The following HIBADH variants were observed in gnomAD, a reference collection of about 807,000 sequenced individuals.
HIBADH encodes 3-hydroxyisobutyrate dehydrogenase.
A neutral mutation model predicts 36.1 loss-of-function variants in HIBADH; 25 were observed. That is an observed-to-expected ratio of 0.69 (90% CI 0.50 to 0.97). The LOEUF (loss-of-function observed/expected upper bound fraction) is 0.97, where lower values mean the gene tolerates loss of function less well. Ranked by LOEUF, HIBADH falls within the 50% of genes least tolerant of loss-of-function variation. HIBADH has a pLI of 0.00. For synonymous variants in HIBADH, 160 were observed against 149.5 expected (o/e 1.07, Z -0.51); for missense variants, 421 against 418.0 (o/e 1.01, Z -0.06).
chr7:27,608,750 T>A (rs1177134198), intron 4 of HIBADH, among the ~76,000 whole-genome samples: 6 of 152,238 alleles, frequency 3.9e-5, no homozygotes, highest in Non-Finnish European at 8.8e-5. Context: ...TTCAGATTTA[T>A]TTGCTAAATT....
intron 1 of HIBADH, among the ~76,000 whole-genome samples, chr7:27,657,335 T>A (rs1016267120): frequency 2.0e-5 from 3 of 151,862 alleles, no homozygotes; most frequent in African/African-American, 7.3e-5. Flanking sequence ...CCTTATGAAA[T>A]GAGGAAACAA....
chr7:27,552,528 A>G (rs918007635), intron 4 of HIBADH, among the ~76,000 whole-genome samples: 2 of 152,192 alleles, frequency 1.3e-5, no homozygotes, highest in Non-Finnish European at 2.9e-5. Context: ...TCCTCCCAGC[A>G]AGATCTCAAA....
At chr7:27,632,543 G>A (rs1329255366) in intron 2 of HIBADH, 98 bp from the exon 3 acceptor site, 8 of 531,864 alleles carry the variant, frequency 1.5e-5, no homozygotes, top group South Asian at 2.2e-5. Context: ...CTATAACAGT[G>A]ACAGTGCATA....
chr7:27,655,931 G>T (rs557567274), intron 1 of HIBADH, among the ~76,000 whole-genome samples: 1 of 152,102 alleles, frequency 6.6e-6, no homozygotes, highest in South Asian at 2.1e-4. Context: ...ATATTAGGTC[G>T]ACCTTTTGGA....
At chr7:27,572,765 C>T (rs1784647159) in intron 4 of HIBADH, among the ~76,000 whole-genome samples, 1 of 152,172 alleles carries the variant, frequency 6.6e-6, no homozygotes, top group South Asian at 2.1e-4. Context: ...GGAACCCACT[C>T]TCAGCTCTTC....
chr7:27,564,286 C>A (rs1168790075), intron 4 of HIBADH, among the ~76,000 whole-genome samples: 1 of 152,122 alleles, frequency 6.6e-6, no homozygotes, highest in Non-Finnish European at 1.5e-5. Context: ...AAACCCAAGG[C>A]CAGAAGGATT....
At chr7:27,599,755 T>C (rs1048612451) in intron 4 of HIBADH, among the ~76,000 whole-genome samples, 10 of 134,050 alleles carry the variant, frequency 7.5e-5, no homozygotes, top group Non-Finnish European at 1.1e-4. Context: ...TAAAACCAAA[T>C]ACCAATTGTT....
intron 4 of HIBADH, among the ~76,000 whole-genome samples, chr7:27,565,876 C>T (rs9639559): frequency 0.8 from 121,217 of 152,036 alleles, 48,744 homozygotes; most frequent in East Asian, 0.97. Context: ...TTCTGACATA[C>T]AGATATATGT....
intron 4 of HIBADH, among the ~76,000 whole-genome samples, chr7:27,600,689 C>T (rs1785115392): frequency 1.3e-5 from 2 of 152,006 alleles, no homozygotes; most frequent in South Asian, 4.1e-4. Context: ...AGAATAAGAA[C>T]AAGTTGAAAT....
chr7:27,643,708 C>G (rs978802317), intron 2 of HIBADH, among the ~76,000 whole-genome samples: 3 of 152,242 alleles, frequency 2.0e-5, no homozygotes, highest in South Asian at 2.1e-4. Context: ...TACTCTCTCA[C>G]AGCTCTGGAG....
intron 4 of HIBADH, among the ~76,000 whole-genome samples, chr7:27,571,465 T>C (rs1159592569): frequency 6.6e-6 from 1 of 152,216 alleles, no homozygotes; most frequent in Non-Finnish European, 1.5e-5. Flanking sequence ...CCTCAGGTGA[T>C]CCACTTGCCT....
intron 4 of HIBADH, among the ~76,000 whole-genome samples, chr7:27,622,706 C>T (rs953309825): frequency 3.3e-5 from 5 of 151,984 alleles, no homozygotes; most frequent in East Asian, 1.9e-4. Context: ...TAGAAACATA[C>T]GACCTACCAA....
intron 1 of HIBADH, among the ~76,000 whole-genome samples, chr7:27,658,464 T>C (rs909299230): frequency 6.6e-6 from 1 of 152,222 alleles, no homozygotes; most frequent in Non-Finnish European, 1.5e-5. Context: ...TATGACCTCT[T>C]TCTCCAATGT....
chr7:27,540,212 A>G (rs1480939397), intron 5 of HIBADH, among the ~76,000 whole-genome samples: 1 of 152,108 alleles, frequency 6.6e-6, no homozygotes, highest in Non-Finnish European at 1.5e-5. Context: ...CCATGTTGTA[A>G]AAGAAGTTGA....
At chr7:27,662,206 C>T (rs757957377) in intron 1 of HIBADH, among the ~76,000 whole-genome samples, 1 of 152,148 alleles carries the variant, frequency 6.6e-6, no homozygotes, top group Non-Finnish European at 1.5e-5. Flanking sequence ...GTACAGCCAC[C>T]GCTTGTGTAA....
chr7:27,649,252 T>C, intron 2 of HIBADH: 1 of 386,036 alleles, frequency 2.6e-6, no homozygotes, highest in Admixed American at 4.4e-5. Flanking sequence ...TGCAAAATGT[T>C]CCAAGTCACC....
intron 4 of HIBADH, among the ~76,000 whole-genome samples, chr7:27,615,820 G>C (rs1253634175): frequency 6.6e-6 from 1 of 152,108 alleles, no homozygotes; most frequent in Non-Finnish European, 1.5e-5. Flanking sequence ...AAAAACCCCA[G>C]GCAGGTCCTT....
At chr7:27,574,124 A>G (rs1168402739) in intron 4 of HIBADH, among the ~76,000 whole-genome samples, 1 of 152,194 alleles carries the variant, frequency 6.6e-6, no homozygotes, top group Non-Finnish European at 1.5e-5. Context: ...GCTTGATTGA[A>G]GGAGTCCAAT....
At chr7:27,599,136 G>A (rs939980867) in intron 4 of HIBADH, among the ~76,000 whole-genome samples, 2 of 152,096 alleles carry the variant, frequency 1.3e-5, no homozygotes, top group African/African-American at 4.8e-5. Flanking sequence ...CCTTCAGAAA[G>A]CAAACATCAT....
Sources: allele counts gnomAD v4.1 joint callset (sites outside exome capture counted in the v4.1 genomes callset), GRCh38; gene constraint gnomAD v4.1.1; transcripts MANE v1.5; gene names NCBI Gene and HGNC (gene_info 2026-07-23, HGNC 2026-07-21).